The following DMGDH variants were observed in gnomAD, a reference collection of about 807,000 sequenced individuals.
DMGDH encodes the protein dimethylglycine dehydrogenase.
DMGDH carries 76 observed loss-of-function variants against 95.2 expected under a neutral mutation model. The observed-to-expected ratio is 0.80, with a 90% CI of 0.66 to 0.97. The LOEUF (loss-of-function observed/expected upper bound fraction) is 0.97. Ranked by LOEUF, DMGDH falls within the 50% of genes least tolerant of loss-of-function variation. DMGDH has a pLI of 0.00. For synonymous variants in DMGDH, 345 were observed against 377.6 expected (o/e 0.91, Z 1.00); for missense variants, 987 against 1,055.0 (o/e 0.94, Z 0.89).
At chr5:79,069,264 G>A (rs644191) in intron 1 of DMGDH, among the ~76,000 whole-genome samples, 126,773 of 152,270 alleles carry the variant, frequency 0.83, 52,888 homozygotes, top group East Asian at 0.93. Flanking sequence ...TTGCCTATGC[G>A]TAGACTGTCT....
chr5:79,058,798 A>G (rs1355604433), intron 2 of DMGDH, among the ~76,000 whole-genome samples: 1 of 152,254 alleles, frequency 6.6e-6, no homozygotes, highest in Non-Finnish European at 1.5e-5. Flanking sequence ...CTGACAATTA[A>G]TAAGATAGAA....
chr5:79,024,928 G>T (rs1464708923), intron 13 of DMGDH, among the ~76,000 whole-genome samples: 1 of 152,154 alleles, frequency 6.6e-6, no homozygotes, highest in African/African-American at 2.4e-5. Flanking sequence ...TGTTTTCTTC[G>T]CAGTGAGAGA....
At chr5:79,024,563 T>A (rs926758935) in intron 13 of DMGDH, among the ~76,000 whole-genome samples, 1 of 152,240 alleles carries the variant, frequency 6.6e-6, no homozygotes, top group Non-Finnish European at 1.5e-5. Context: ...AAATTCACTG[T>A]GTTTCCACAG....
intron 4 of DMGDH, among the ~76,000 whole-genome samples, chr5:79,052,417 A>G (rs1351266551): frequency 6.6e-6 from 1 of 152,208 alleles, no homozygotes; most frequent in East Asian, 1.9e-4. Flanking sequence ...TAACTAGTGA[A>G]GTCATCCAGG....
intron 14 of DMGDH, chr5:79,021,022 C>A (rs1167134090): frequency 3.0e-6 from 3 of 985,286 alleles, no homozygotes; most frequent in Non-Finnish European, 3.6e-6. Context: ...ACTGATTTTC[C>A]TCCCAAAAGT....
At chr5:79,061,564 T>C (rs914607713) in intron 2 of DMGDH, among the ~76,000 whole-genome samples, 19 of 152,324 alleles carry the variant, frequency 1.2e-4, no homozygotes, top group South Asian at 4.1e-4. Flanking sequence ...TAAGGGTATG[T>C]TGCTTTTTAT....
intron 7 of DMGDH, among the ~76,000 whole-genome samples, chr5:79,039,849 C>A (rs1754455939): frequency 6.6e-6 from 1 of 152,024 alleles, no homozygotes. Flanking sequence ...CCATAAAGAC[C>A]TAGGCATGGG....
chr5:79,038,332 A>G (rs1754405840), intron 7 of DMGDH, among the ~76,000 whole-genome samples: 1 of 152,082 alleles, frequency 6.6e-6, no homozygotes, highest in Non-Finnish European at 1.5e-5. Context: ...AAAAATACAA[A>G]AATTATCCAG....
At chr5:79,006,231 A>G (rs996076179) in intron 14 of DMGDH, among the ~76,000 whole-genome samples, 8 of 146,646 alleles carry the variant, frequency 5.5e-5, no homozygotes, top group African/African-American at 2.0e-4. Context: ...AAAAAAAAAA[A>G]GTAGGAATCA....
chr5:79,032,503 T>TG (rs1399057869), intron 9 of DMGDH, among the ~76,000 whole-genome samples, 184 bp downstream of exon 9: 1 of 152,210 alleles, frequency 6.6e-6, no homozygotes, highest in East Asian at 1.9e-4. Context: ...GTCCTAGATG[T>TG]GGGCCAGTGT....
At position 79,014,991 on chromosome 5, in the gene DMGDH, C is replaced by T. The variant is rs182944113; in HGVS notation, c.2250+9280G>A. On this transcript the variant is annotated intron_variant, in intron 14 of 15. Coordinates refer to ENST00000255189, the MANE Select transcript of DMGDH (RefSeq NM_013391.3). ...GGCAAGTGCAGAGTGCTATAGAAAA[C>T]GGATTCTCAACACTCACCTGCCTCA... is the stretch of plus-strand genomic sequence containing the variant. Among the ~76,000 whole-genome samples, 140 of 152,210 alleles carry T rather than the reference C, an allele frequency of 9.2e-4. 1 individual carries two copies. The highest frequency in any genetic ancestry group is 3.3e-3 in the African/African-American group (136 of 41,540).
chr5:79,030,314 A>T (rs1580200513), intron 10 of DMGDH, among the ~76,000 whole-genome samples: 1 of 152,240 alleles, frequency 6.6e-6, no homozygotes, highest in African/African-American at 2.4e-5. Context: ...CAAAGTCATA[A>T]GGTCCTTGGA....
chr5:79,026,282 T>C (rs1390332762), intron 13 of DMGDH, 142 bp downstream of exon 13: 6 of 1,041,254 alleles, frequency 5.8e-6, no homozygotes, highest in Non-Finnish European at 8.6e-6. Context: ...GAAAAACCTC[T>C]TCCCCTAATG....
At chr5:79,011,185 A>G (rs914047381) in intron 14 of DMGDH, among the ~76,000 whole-genome samples, 2 of 152,196 alleles carry the variant, frequency 1.3e-5, no homozygotes, top group Admixed American at 1.3e-4. Flanking sequence ...AACCCCCATA[A>G]TAGACAAATT....
At chr5:79,063,448 G>A (rs9637824) in intron 2 of DMGDH, among the ~76,000 whole-genome samples, 165 bp downstream of exon 2, 83,615 of 152,046 alleles carry the variant, frequency 0.55, 24,118 homozygotes, top group East Asian at 0.64. Flanking sequence ...CATAAATATT[G>A]GTTGTCATCT....
Position 79,063,759 on chromosome 5 carries a change from T to G in DMGDH, c.130A>C (p.Thr44Pro). ...GTTTCTGCTCTGTCTTTCCATTGTG[T>G]TTCTGCAGATAAGGGTGGTTTTTCC... ...GEEKPPLSAE[T>P]QWKDRAETVI... is the part of the protein sequence containing the mutation. Residue 44 changes from threonine (T) to proline (P), a missense_variant, in exon 2 of 16, where the codon ACA (threonine) becomes CCA (proline). Physicochemically the swap from Thr to Pro is conservative, Grantham distance 38. Transcript: ENST00000255189. The G allele has an allele frequency of 6.2e-7, 1 of 1,614,174 alleles. No individual in the cohort carries two copies. Among genetic ancestry groups the G allele is most frequent in the Non-Finnish European group, 8.5e-7 (1 of 1,180,018 alleles).
intron 14 of DMGDH, among the ~76,000 whole-genome samples, chr5:79,018,362 C>A (rs1310779895): frequency 2.0e-5 from 3 of 152,168 alleles, no homozygotes; most frequent in South Asian, 2.1e-4. Flanking sequence ...CATAACAACA[C>A]AAATGACTCT....
intron 14 of DMGDH, among the ~76,000 whole-genome samples, chr5:79,009,307 A>C (rs767254805): frequency 1.3e-5 from 2 of 151,836 alleles, no homozygotes; most frequent in Non-Finnish European, 2.9e-5. Flanking sequence ...CAACAGCAAA[A>C]ATCTTATTGA....
chr5:79,048,869 GA>G lies in DMGDH; in HGVS notation c.745+2417del, dbSNP rs537784629. 5.6e-4 allele frequency among the ~76,000 whole-genome samples: 81 copies of G among 144,272 alleles called. 1 individual carries two copies. Among genetic ancestry groups the G allele is most frequent in the African/African-American group, 2.0e-3 (78 of 39,256 alleles). 94.6% of individuals were successfully genotyped at this position (144,272 alleles called of 152,430 possible). ...AATTTTGCCCGATGGAAGAGAAAAA[GA>G]AAAAAAAAAGATTAGGGAGCAGAGA... On this transcript the variant is annotated intron_variant, in intron 5 of 15. Transcript: ENST00000255189.
Sources: gnomAD v4.1 joint callset for allele counts (sites outside exome capture counted in the v4.1 genomes callset) on GRCh38, gnomAD v4.1.1 for gene constraint, MANE v1.5 for transcripts, NCBI Gene and HGNC (gene_info 2026-07-23, HGNC 2026-07-21) for gene names.